The following SYN2 variants were observed in gnomAD, a reference collection of about 807,000 sequenced individuals.
The protein encoded by SYN2 is synapsin-2.
A neutral mutation model predicts 50.9 loss-of-function variants in SYN2; 19 were observed. The ratio of observed to expected loss-of-function variants is 0.37; its 90% CI spans 0.26 to 0.55. The LOEUF is 0.55. Ranked by LOEUF, SYN2 falls within the 20% of genes least tolerant of loss-of-function variation. The probability of loss-of-function intolerance (pLI) is 0.81; values close to 1 mark genes in which losing one functional copy is unlikely to be tolerated. For synonymous variants in SYN2, 255 were observed against 224.9 expected, an observed-to-expected ratio of 1.13 and a Z score of -1.20; for missense variants, 587 against 576.4, an observed-to-expected ratio of 1.02 and a Z score of -0.19.
chr3:12,088,218 G>C (rs1695753182), intron 1 of SYN2, among the ~76,000 whole-genome samples: 1 of 152,038 alleles, frequency 6.6e-6, no homozygotes, highest in Non-Finnish European at 1.5e-5. Flanking sequence ...TCAATAACAA[G>C]AAAACAACCC....
At chr3:12,181,972 T>G (rs970947080) in intron 10 of SYN2, among the ~76,000 whole-genome samples, 2 of 152,086 alleles carry the variant, frequency 1.3e-5, no homozygotes, top group African/African-American at 4.8e-5. Context: ...CTGTGACTTG[T>G]GGGGGTTGAG....
intron 1 of SYN2, among the ~76,000 whole-genome samples, chr3:12,043,515 A>C (rs1694667188): frequency 6.6e-6 from 1 of 152,224 alleles, no homozygotes; most frequent in Admixed American, 6.5e-5. Flanking sequence ...TTTGTGTGGT[A>C]GGCATTATTT....
intron 1 of SYN2, among the ~76,000 whole-genome samples, chr3:12,078,753 G>A (rs891606047): frequency 1.3e-5 from 2 of 152,080 alleles, no homozygotes; most frequent in Non-Finnish European, 2.9e-5. Flanking sequence ...CTCCAACTTT[G>A]TTCTTTTTGC....
rs1698425574 is a variant in SYN2 at position 12,190,530 on chromosome 3, T to C, written c.1654T>C (p.Ser552Pro). The C allele has an allele frequency of 6.2e-7, 1 of 1,613,742 alleles. No individual in the cohort carries two copies. Among genetic ancestry groups the C allele is most frequent in the East Asian group, 2.2e-5 (1 of 44,868 alleles). The stretch of plus-strand genomic sequence containing the variant: ...GACAAATGCCTTCAGCTTCTCTGAG[T>C]CCTCCTTCTTCCGGTCTTCAGCCAA... The part of the protein sequence containing the change: ...SLTNAFSFSE[S>P]SFFRSSANED... The change falls in exon 13 of 13, where the codon TCC (serine) becomes CCC (proline). Residue 552 changes from serine to proline, a missense_variant. By Grantham distance (74) the Ser-to-Pro change is moderately conservative. Transcript: ENST00000621198.
chr3:12,038,151 GAA>G (rs1390785596), intron 1 of SYN2, among the ~76,000 whole-genome samples: 2 of 152,072 alleles, frequency 1.3e-5, no homozygotes, highest in Non-Finnish European at 2.9e-5. Flanking sequence ...ACCATTTGTT[GAA>G]AAGACTCTTT....
intron 5 of SYN2, chr3:12,157,275 C>G: frequency 1.0e-6 from 1 of 980,220 alleles, no homozygotes; most frequent in Non-Finnish European, 1.6e-6. Flanking sequence ...GTATCTAGAC[C>G]CAAGGATTAC....
chr3:12,175,342 G>A (rs1698041105), intron 10 of SYN2, among the ~76,000 whole-genome samples: 1 of 152,220 alleles, frequency 6.6e-6, no homozygotes, highest in Admixed American at 6.5e-5. Context: ...CAGTGTGCAA[G>A]TGGAAAGGAT....
At chr3:12,070,734 C>T (rs993458953) in intron 1 of SYN2, 15 of 859,490 alleles carry the variant, frequency 1.7e-5, no homozygotes, top group East Asian at 4.1e-5. Flanking sequence ...TGCCCATCTA[C>T]GAGGCCTAAG....
At chr3:12,138,543 C>T (rs1278291424) in intron 1 of SYN2, among the ~76,000 whole-genome samples, 1 of 152,180 alleles carries the variant, frequency 6.6e-6, no homozygotes, top group Non-Finnish European at 1.5e-5. Context: ...AGCCTTAACT[C>T]CCATGAACTT....
At chr3:12,145,264 T>C (rs1029513842) in intron 3 of SYN2, among the ~76,000 whole-genome samples, 1 of 151,938 alleles carries the variant, frequency 6.6e-6, no homozygotes, top group Admixed American at 6.6e-5. Context: ...TAGCCAGGGG[T>C]CATGGCACTT....
intron 1 of SYN2, among the ~76,000 whole-genome samples, chr3:12,091,746 A>G (rs1325742303): frequency 1.3e-5 from 2 of 152,122 alleles, no homozygotes; most frequent in African/African-American, 4.8e-5. Flanking sequence ...ACAGTGGTCT[A>G]CCCCCTGTAT....
At chr3:12,134,232 A>C (rs1243276001) in intron 1 of SYN2, among the ~76,000 whole-genome samples, 1 of 152,242 alleles carries the variant, frequency 6.6e-6, no homozygotes, top group Non-Finnish European at 1.5e-5. Flanking sequence ...CAACAAAAAC[A>C]GTGAGGGTAA....
At chr3:12,118,759 G>A (rs1341511252) in intron 1 of SYN2, among the ~76,000 whole-genome samples, 3 of 152,040 alleles carry the variant, frequency 2.0e-5, no homozygotes, top group East Asian at 1.9e-4. Context: ...GTTTAACACA[G>A]TACTATCTGA....
At chr3:12,129,865 C>T (rs542962944) in intron 1 of SYN2, among the ~76,000 whole-genome samples, 1 of 152,046 alleles carries the variant, frequency 6.6e-6, no homozygotes, top group African/African-American at 2.4e-5. Context: ...GGAGGTGGGG[C>T]CTTTGGGAGG....
intron 1 of SYN2, among the ~76,000 whole-genome samples, chr3:12,130,132 G>A (rs1292207438): frequency 7.2e-6 from 1 of 138,556 alleles, no homozygotes; most frequent in Non-Finnish European, 1.6e-5. Flanking sequence ...AGCAGCCCAA[G>A]TGTGTGTGTG....
chr3:12,128,283 G>T (rs1012801110), intron 1 of SYN2, among the ~76,000 whole-genome samples: 1 of 152,092 alleles, frequency 6.6e-6, no homozygotes, highest in Non-Finnish European at 1.5e-5. Flanking sequence ...TCTCACAAGC[G>T]CTCTGAGTGG....
At chr3:12,096,785 G>T (rs1490968220) in intron 1 of SYN2, among the ~76,000 whole-genome samples, 2 of 152,028 alleles carry the variant, frequency 1.3e-5, no homozygotes, top group Admixed American at 1.3e-4. Flanking sequence ...AAATTTACTA[G>T]AGAGGTTAAA....
chr3:12,157,203 C>G (rs1051705945), intron 5 of SYN2, among the ~76,000 whole-genome samples: 1 of 152,160 alleles, frequency 6.6e-6, no homozygotes, highest in Non-Finnish European at 1.5e-5. Context: ...CTGAGGCCCT[C>G]CCTGGCAATA....
chr3:12,125,853 A>AC (rs1043735650), intron 1 of SYN2, among the ~76,000 whole-genome samples: 2 of 151,738 alleles, frequency 1.3e-5, no homozygotes, highest in African/African-American at 4.8e-5. Context: ...AAAAAAAAAA[A>AC]AAAACCCACA....
Sources: gnomAD v4.1 joint callset for allele counts (sites outside exome capture counted in the v4.1 genomes callset) on GRCh38, gnomAD v4.1.1 for gene constraint, MANE v1.5 for transcripts, NCBI Gene and HGNC (gene_info 2026-07-23, HGNC 2026-07-21) for gene names.